Variants in VPS13B observed in about 807,000 individuals in gnomAD.
The protein encoded by VPS13B is vacuolar protein sorting 13 homolog B, also known as intermembrane lipid transfer protein VPS13B.
Under a neutral mutation model 426.4 loss-of-function variants are expected in VPS13B, and 285 were observed. That is an observed-to-expected ratio of 0.67 (90% CI 0.61 to 0.74). The LOEUF (loss-of-function observed/expected upper bound fraction) is 0.74, where lower values mean the gene tolerates loss of function less well. Among genes scored for constraint, VPS13B ranks in the 30% least tolerant of loss-of-function variants. The pLI is 0.00. For synonymous variants in VPS13B, 1,676 were observed against 1,676.4 expected (o/e 1.00, Z 0.01); for missense variants, 4,537 against 4,782.6 (o/e 0.95, Z 1.51).
intron 12 of VPS13B, among the ~76,000 whole-genome samples, chr8:99,138,515 T>A (rs1810207340): frequency 6.6e-6 from 1 of 152,278 alleles, no homozygotes; most frequent in African/African-American, 2.4e-5. Context: ...TCTCTGCTGT[T>A]AATTTTCATG....
At chr8:99,275,289 C>CT (rs11332378) in intron 19 of VPS13B, 35 bp downstream of exon 19, 32,392 of 1,188,198 alleles carry the variant, frequency 0.027, 151 homozygotes, top group African/African-American at 0.069. Flanking sequence ...CCTTGTTTTG[C>CT]TTTTTTTTTT....
At chr8:99,480,229 TTTC>T (rs2133552825) in intron 24 of VPS13B, among the ~76,000 whole-genome samples, 1 of 152,316 alleles carries the variant, frequency 6.6e-6, no homozygotes, top group South Asian at 2.1e-4. Context: ...TGTTAGCAAC[TTTC>T]TTCTTTGAAA....
chr8:99,154,663 T>C (rs1811260213), intron 14 of VPS13B, among the ~76,000 whole-genome samples: 1 of 152,226 alleles, frequency 6.6e-6, no homozygotes, highest in Non-Finnish European at 1.5e-5. Flanking sequence ...GTTCAGGCCC[T>C]GCCACATTAG....
chr8:99,783,796 C>T (rs2130700530), intron 42 of VPS13B, among the ~76,000 whole-genome samples: 1 of 152,300 alleles, frequency 6.6e-6, no homozygotes, highest in Admixed American at 6.5e-5. Context: ...ACATCTCTCA[C>T]TGAGCAGATT....
chr8:99,265,671 A>AC lies in VPS13B; in HGVS notation c.2516-8526dup, dbSNP rs367891671. ...GGATTAAGAAAAACGATCTGTAGTCACTAGATAAAATTTTAGTCATGCCTC... is the reference window on the plus strand; with the variant it reads ...GGATTAAGAAAAACGATCTGTAGTCACCTAGATAAAATTTTAGTCATGCCTC... On this transcript the variant is annotated intron_variant, in intron 17 of 61. Transcript: ENST00000357162. 3.6e-3 allele frequency among the ~76,000 whole-genome samples: 541 copies of AC among 152,302 alleles called. 4 individuals are homozygous for AC. Among genetic ancestry groups the AC allele is most frequent in the African/African-American group, 0.012 (508 of 41,576 alleles).
In VPS13B at chr8:99,520,934, A is replaced by T. The variant is rs1326372758; in HGVS notation, c.4669A>T (p.Lys1557Ter). The change falls in exon 30 of 62, where the codon AAG (lysine) becomes TAG (stop). Residue 1557 changes from lysine to a stop codon, truncating the protein, a stop_gained. Transcript: ENST00000357162. LOFTEE classifies it high-confidence loss of function. ...QAAKEDTVVL[K>*]IGSVAMAPQA... ...AGCAAAAGAAGACACTGTGGTTTTG[A>T]AGATTGGCTCTGTTGCCATGGCTCC... The T allele has an allele frequency of 3.7e-6, 6 of 1,613,818 alleles. No individual in the cohort carries two copies. The highest frequency in any genetic ancestry group is 5.1e-6 in the Non-Finnish European group (6 of 1,179,744).
At chr8:99,755,377 A>G (rs534972054) in intron 39 of VPS13B, among the ~76,000 whole-genome samples, 2 of 152,336 alleles carry the variant, frequency 1.3e-5, no homozygotes, top group East Asian at 3.9e-4. Flanking sequence ...TCACTAATCA[A>G]TTGGAGACTT....
intron 22 of VPS13B, among the ~76,000 whole-genome samples, chr8:99,432,302 C>T (rs943554494): frequency 6.6e-6 from 1 of 151,912 alleles, no homozygotes; most frequent in African/African-American, 2.4e-5. Context: ...TTTGTATGTA[C>T]CAGAGTGTAA....
chr8:99,458,839 A>C (rs1383241102), intron 23 of VPS13B, among the ~76,000 whole-genome samples: 9 of 152,082 alleles, frequency 5.9e-5, no homozygotes, highest in African/African-American at 1.9e-4. Flanking sequence ...AGATGAGTAG[A>C]TTGCAAAAAT....
At chr8:99,721,945 C>G (rs542617555) in intron 39 of VPS13B, among the ~76,000 whole-genome samples, 1 of 152,214 alleles carries the variant, frequency 6.6e-6, no homozygotes, top group South Asian at 2.1e-4. Context: ...AGCAGCTAAA[C>G]TGATATTTTT....
chr8:99,794,740 C>T (rs959062255), intron 43 of VPS13B, among the ~76,000 whole-genome samples: 1 of 152,146 alleles, frequency 6.6e-6, no homozygotes, highest in Non-Finnish European at 1.5e-5. Flanking sequence ...CTTTAAACAA[C>T]TTTGTAGGTC....
chr8:99,755,543 G>C (rs1006792963), intron 39 of VPS13B, among the ~76,000 whole-genome samples: 41 of 152,306 alleles, frequency 2.7e-4, no homozygotes, highest in Admixed American at 2.2e-3. Flanking sequence ...GCCGAGGTGG[G>C]CAGATCACCT....
intron 8 of VPS13B, among the ~76,000 whole-genome samples, chr8:99,127,694 T>A (rs141381320): frequency 6.6e-6 from 1 of 152,338 alleles, no homozygotes; most frequent in Admixed American, 6.5e-5. Context: ...TGAGGAGTTT[T>A]GTTTATTCAG....
chr8:99,841,236 G>A (rs1428651035), intron 54 of VPS13B, among the ~76,000 whole-genome samples: 1 of 152,004 alleles, frequency 6.6e-6, no homozygotes, highest in Non-Finnish European at 1.5e-5. Flanking sequence ...TCACCTCATA[G>A]CTTTAGCTAC....
At chr8:99,157,749 C>T (rs1347320680) in intron 15 of VPS13B, among the ~76,000 whole-genome samples, 1 of 152,186 alleles carries the variant, frequency 6.6e-6, no homozygotes, top group Non-Finnish European at 1.5e-5. Flanking sequence ...GGCCAGAAAG[C>T]TAGGCCTCTT....
intron 42 of VPS13B, among the ~76,000 whole-genome samples, chr8:99,782,906 C>G (rs1812086282): frequency 6.6e-6 from 1 of 152,078 alleles, no homozygotes; most frequent in Admixed American, 6.6e-5. Context: ...GCCAGAAACT[C>G]TTTTGGCGAT....
At chr8:99,597,027 A>G (rs1827055461) in intron 33 of VPS13B, among the ~76,000 whole-genome samples, 1 of 152,060 alleles carries the variant, frequency 6.6e-6, no homozygotes, top group Admixed American at 6.6e-5. Flanking sequence ...ATCATATAAT[A>G]TGTCAGAAAT....
rs572826595 is a variant in VPS13B at position 99,058,848 on chromosome 8, G to A, written c.291+20282G>A. Among the ~76,000 whole-genome samples, 5 of 152,266 alleles carry A rather than the reference G, an allele frequency of 3.3e-5. No homozygotes were observed. In the South Asian group the frequency reaches 6.2e-4, roughly 19 times the overall value. ...ATGGAATTTTACTTTAGGATGATTG[G>A]TGTGGATTTTGGTGCTGTTGATTTA... On this transcript the variant is annotated intron_variant, in intron 3 of 61. Coordinates refer to ENST00000357162, the MANE Select transcript of VPS13B (RefSeq NM_152564.5).
At chr8:99,413,103 A>G (rs1365001550) in intron 21 of VPS13B, among the ~76,000 whole-genome samples, 2 of 151,866 alleles carry the variant, frequency 1.3e-5, no homozygotes, top group Non-Finnish European at 2.9e-5. Context: ...CCCTCTTTTT[A>G]TATTGTTTGG....
Sources: allele counts gnomAD v4.1 joint callset (sites outside exome capture counted in the v4.1 genomes callset), GRCh38; gene constraint gnomAD v4.1.1; transcripts MANE v1.5; gene names NCBI Gene and HGNC (gene_info 2026-07-23, HGNC 2026-07-21).